GPHN: variants seen among roughly 807,000 people sequenced by gnomAD.
GPHN encodes the protein gephyrin.
A neutral mutation model predicts 95.5 loss-of-function variants in GPHN; 17 were observed. The ratio of observed to expected loss-of-function variants is 0.18; its 90% CI spans 0.12 to 0.27. The LOEUF (loss-of-function observed/expected upper bound fraction) is 0.27. GPHN is among the 10% of genes least tolerant of loss of function. The probability of loss-of-function intolerance (pLI) is 1.00; values close to 1 mark genes in which losing one functional copy is unlikely to be tolerated. For synonymous variants in GPHN, 320 were observed against 322.5 expected (o/e 0.99, Z 0.08); for missense variants, 660 against 978.1 (o/e 0.67, Z 4.34).
chr14:66,842,821 C>T, intron 4 of GPHN: 1 of 798,724 alleles, frequency 1.3e-6, no homozygotes, highest in East Asian at 2.7e-5. Context: ...TTTTTCACAT[C>T]TGTTTAATTT....
intron 9 of GPHN, among the ~76,000 whole-genome samples, chr14:66,982,683 T>C (rs2070754973): frequency 6.6e-6 from 1 of 152,290 alleles, no homozygotes; most frequent in African/African-American, 2.4e-5. Context: ...TGATTATCAA[T>C]ATATATAAGT....
chr14:66,736,571 T>G (rs1156818734), intron 2 of GPHN, among the ~76,000 whole-genome samples: 2 of 151,814 alleles, frequency 1.3e-5, no homozygotes, highest in African/African-American at 2.4e-5. Context: ...GCTAATTTTT[T>G]GTATTTTTAG....
chr14:67,705,637 A>G, the GPHN span, among the ~76,000 whole-genome samples: 2 of 152,214 alleles, frequency 1.3e-5, no homozygotes, highest in Admixed American at 6.5e-5. Context: ...GTGGTGTTGT[A>G]CCAATGTTAA....
chr14:67,628,569 TTTAAC>T, the GPHN span, among the ~76,000 whole-genome samples: 2 of 152,204 alleles, frequency 1.3e-5, no homozygotes, highest in South Asian at 4.1e-4. Flanking sequence ...ATACCTCTTA[TTTAAC>T]TTAATACCTC....
intron 2 of GPHN, among the ~76,000 whole-genome samples, chr14:66,760,134 G>A (rs1014180816): frequency 2.6e-4 from 39 of 152,052 alleles, no homozygotes; most frequent in African/African-American, 6.8e-4. Flanking sequence ...CATTTCCCCC[G>A]GTAGAATGTA....
chr14:67,094,078 G>A (rs1292070505), intron 12 of GPHN, among the ~76,000 whole-genome samples: 2 of 152,034 alleles, frequency 1.3e-5, no homozygotes, highest in Non-Finnish European at 2.9e-5. Context: ...AGACTCTTTA[G>A]TATTGAAAAT....
At chr14:66,924,759 T>G (rs1567109294) in intron 8 of GPHN, among the ~76,000 whole-genome samples, 1 of 152,132 alleles carries the variant, frequency 6.6e-6, no homozygotes, top group Non-Finnish European at 1.5e-5. Context: ...GAGCTCTCAT[T>G]ACAACCATTG....
chr14:66,951,117 G>C (rs923623286), intron 8 of GPHN, among the ~76,000 whole-genome samples: 1 of 151,950 alleles, frequency 6.6e-6, no homozygotes, highest in Admixed American at 6.6e-5. Flanking sequence ...GTAGAAACGG[G>C]ATTTCATCAT....
At chr14:66,872,819 C>T (rs1334614432) in intron 4 of GPHN, among the ~76,000 whole-genome samples, 2 of 150,768 alleles carry the variant, frequency 1.3e-5, no homozygotes, top group African/African-American at 2.4e-5. Context: ...CACTTGAACC[C>T]GGGAGACGGA....
At chr14:66,691,310 G>A (rs1166880084) in intron 2 of GPHN, among the ~76,000 whole-genome samples, 2 of 151,842 alleles carry the variant, frequency 1.3e-5, no homozygotes, top group South Asian at 2.1e-4. Flanking sequence ...TCAGCCTCCC[G>A]AGTAGCTGGG....
At chr14:66,848,176 T>G (rs1342809117) in intron 4 of GPHN, among the ~76,000 whole-genome samples, 1 of 152,116 alleles carries the variant, frequency 6.6e-6, no homozygotes, top group Non-Finnish European at 1.5e-5. Context: ...TAGTGTTTTT[T>G]ACTTATATCA....
At chr14:66,767,545 GTCT>G (rs1217194456) in intron 2 of GPHN, among the ~76,000 whole-genome samples, 5 of 151,586 alleles carry the variant, frequency 3.3e-5, no homozygotes, top group Non-Finnish European at 7.4e-5. Context: ...AGTAACTTCT[GTCT>G]TCTTAGTAAG....
At chr14:66,534,722 T>C (rs1347940656) in intron 1 of GPHN, among the ~76,000 whole-genome samples, 1 of 152,194 alleles carries the variant, frequency 6.6e-6, no homozygotes, top group African/African-American at 2.4e-5. Context: ...TTGTCAGTCT[T>C]TTTAATTTCA....
the GPHN span, among the ~76,000 whole-genome samples, chr14:67,316,199 C>T: frequency 8.5e-5 from 13 of 152,144 alleles, no homozygotes; most frequent in African/African-American, 2.4e-4. Flanking sequence ...AAGTAGAAGT[C>T]GGAAAAGAAA....
intron 17 of GPHN, among the ~76,000 whole-genome samples, chr14:67,141,625 A>G (rs1034533193): frequency 1.3e-5 from 2 of 152,180 alleles, no homozygotes; most frequent in African/African-American, 4.8e-5. Flanking sequence ...GTGCATGGTT[A>G]AACATCTAGC....
the GPHN span, among the ~76,000 whole-genome samples, chr14:67,599,649 G>A: frequency 2.3e-3 from 352 of 152,284 alleles, 4 homozygotes; most frequent in Middle Eastern, 3.4e-3. Flanking sequence ...CAGAAGGGAT[G>A]GACGAGGAAG....
chr14:67,520,891 A>G, the GPHN span, among the ~76,000 whole-genome samples: 1 of 152,238 alleles, frequency 6.6e-6, no homozygotes, highest in Non-Finnish European at 1.5e-5. Context: ...AAATTTCCAA[A>G]CTGTCTTCCA....
the GPHN span, among the ~76,000 whole-genome samples, chr14:67,227,297 G>A: frequency 9.9e-5 from 15 of 151,938 alleles, no homozygotes; most frequent in African/African-American, 2.9e-4. Context: ...AAAATTAGCC[G>A]GGCATGGTGG....
At chr14:67,662,555 T>G in the GPHN span, 2 of 1,593,862 alleles carry the variant, frequency 1.3e-6, no homozygotes, top group African/African-American at 1.4e-5. Context: ...ATAGATAAGT[T>G]TCAAATGCTT....
Sources: gnomAD v4.1 joint callset for allele counts (sites outside exome capture counted in the v4.1 genomes callset) on GRCh38, gnomAD v4.1.1 for gene constraint, MANE v1.5 for transcripts, NCBI Gene and HGNC (gene_info 2026-07-23, HGNC 2026-07-21) for gene names.